ANKRD44: variants seen among roughly 807,000 people sequenced by gnomAD.
The protein encoded by ANKRD44 is ankyrin repeat domain 44.
Under a neutral mutation model 116.0 loss-of-function variants are expected in ANKRD44, and 35 were observed. That is an observed-to-expected ratio of 0.30 (90% CI 0.23 to 0.40). ANKRD44 has a LOEUF of 0.40. Ranked by LOEUF, ANKRD44 falls within the 10% of genes least tolerant of loss-of-function variation. The probability of loss-of-function intolerance (pLI) is 1.00; values close to 1 mark genes in which losing one functional copy is unlikely to be tolerated. For synonymous variants in ANKRD44, 435 were observed against 461.8 expected (o/e 0.94, Z 0.74); for missense variants, 1,014 against 1,242.6 (o/e 0.82, Z 2.77).
chr2:197,000,535 TCA>T (rs1273784790), intron 22 of ANKRD44, 33 bp from the exon 23 acceptor site: 11 of 1,547,922 alleles, frequency 7.1e-6, no homozygotes, highest in Non-Finnish European at 9.8e-6. Flanking sequence ...TGTAACAATC[TCA>T]CTCTTTTAAA....
At chr2:197,231,199 G>T (rs763379642) in intron 1 of ANKRD44, among the ~76,000 whole-genome samples, 3 of 152,140 alleles carry the variant, frequency 2.0e-5, no homozygotes, top group Non-Finnish European at 2.9e-5. Flanking sequence ...GAAGCAGGAG[G>T]ATCGCTTAAG....
chr2:197,199,675 A>G (rs1369159447), intron 1 of ANKRD44, among the ~76,000 whole-genome samples: 1 of 152,102 alleles, frequency 6.6e-6, no homozygotes, highest in East Asian at 1.9e-4. Flanking sequence ...CTTGGGTTCA[A>G]GCGATCCTCC....
intron 23 of ANKRD44, 136 bp from the exon 24 acceptor site, chr2:196,999,188 C>T: frequency 9.6e-7 from 1 of 1,045,620 alleles, no homozygotes; most frequent in Non-Finnish European, 1.4e-6. Flanking sequence ...ATCAGGTCCC[C>T]TCCCTCTAAA....
intron 1 of ANKRD44, among the ~76,000 whole-genome samples, chr2:197,206,512 A>T (rs2081209876): frequency 6.6e-6 from 1 of 152,116 alleles, no homozygotes; most frequent in Non-Finnish European, 1.5e-5. Context: ...GGCAAAACCC[A>T]TCTCTACTAA....
intron 1 of ANKRD44, among the ~76,000 whole-genome samples, chr2:197,256,063 G>A (rs1470162234): frequency 6.6e-6 from 1 of 152,188 alleles, no homozygotes; most frequent in Non-Finnish European, 1.5e-5. Context: ...TGTATATGTG[G>A]TTTGTGAGAA....
chr2:197,104,635 T>A (rs1336020274), intron 9 of ANKRD44, among the ~76,000 whole-genome samples: 1 of 152,178 alleles, frequency 6.6e-6, no homozygotes, highest in African/African-American at 2.4e-5. Context: ...AATAAGATCG[T>A]CCATAAGGTC....
In ANKRD44 at chr2:196,986,876, C is replaced by T. The variant is rs1465250004; in HGVS notation, c.*2715G>A. On this transcript the variant is annotated 3_prime_UTR_variant, in exon 28 of 28. Transcript: ENST00000282272. Reference sequence around the variant, plus strand: ...TTACAGTCATGACATTTACCAGAGTCATTCAACTCCAATTTACATAAGAAA... The same window carrying T: ...TTACAGTCATGACATTTACCAGAGTTATTCAACTCCAATTTACATAAGAAA... 5 of 985,254 alleles carry T rather than the reference C, an allele frequency of 5.1e-6. No homozygotes were observed. The highest frequency in any genetic ancestry group is 4.8e-6 in the Non-Finnish European group (4 of 829,894). 61.0% of individuals were successfully genotyped at this position (985,254 alleles called of 1,614,324 possible).
intron 2 of ANKRD44, among the ~76,000 whole-genome samples, chr2:197,148,133 A>G (rs2079552465): frequency 1.3e-5 from 2 of 152,198 alleles, no homozygotes; most frequent in South Asian, 4.1e-4. Context: ...TAAAGATCAT[A>G]TAAGTAAATA....
intron 2 of ANKRD44, among the ~76,000 whole-genome samples, chr2:197,150,276 C>T (rs1356787803): frequency 6.6e-6 from 1 of 152,116 alleles, no homozygotes; most frequent in Admixed American, 6.5e-5. Flanking sequence ...GGGCTGGGCA[C>T]GGTGGCTCAC....
At chr2:197,079,168 T>A (rs1166148754) in intron 15 of ANKRD44, among the ~76,000 whole-genome samples, 3 of 151,958 alleles carry the variant, frequency 2.0e-5, no homozygotes, top group Admixed American at 2.0e-4. Flanking sequence ...TTCAACAAAG[T>A]CTCAATAAAG....
intron 2 of ANKRD44, among the ~76,000 whole-genome samples, chr2:197,165,161 C>T (rs1392593647): frequency 6.6e-6 from 1 of 152,238 alleles, no homozygotes; most frequent in African/African-American, 2.4e-5. Context: ...TTCCTCAACA[C>T]GCCCCTTCTG....
chr2:197,079,304 G>T (rs2077742277), intron 15 of ANKRD44, among the ~76,000 whole-genome samples: 1 of 152,006 alleles, frequency 6.6e-6, no homozygotes, highest in Admixed American at 6.6e-5. Context: ...AATAAGAATA[G>T]CCTAAACAAT....
Position 197,008,069 on chromosome 2 carries a change from T to C in ANKRD44, c.2013-146A>G, listed in dbSNP as rs1314289097. 4.8e-6 allele frequency: 3 copies of C among 624,842 alleles called. No individual in the cohort carries two copies. The African/African-American group carries it at 5.5e-5, about 11-fold the overall frequency. The allele number at this position is 624,842 out of a possible 1,614,324, so 38.7% of individuals were successfully genotyped here. A position where few individuals can be genotyped will look rare whatever the true frequency, so the allele number is the denominator to read the frequency against. On this transcript the variant is annotated intron_variant, in intron 19 of 27. Coordinates refer to ENST00000282272, the MANE Select transcript of ANKRD44 (RefSeq NM_001195144.2). ...TATTTTCTAAGTGTCCCCAGTTTGC[T>C]ATACAATATGCAGAACAAGCTATCT...
At chr2:197,159,531 G>T (rs2079905497) in intron 2 of ANKRD44, among the ~76,000 whole-genome samples, 1 of 152,192 alleles carries the variant, frequency 6.6e-6, no homozygotes, top group African/African-American at 2.4e-5. Context: ...CTTTTCTTAA[G>T]TAATCACAAA....
intron 21 of ANKRD44, among the ~76,000 whole-genome samples, chr2:197,005,077 A>G (rs2076179213): frequency 6.6e-6 from 1 of 152,166 alleles, no homozygotes; most frequent in Non-Finnish European, 1.5e-5. Flanking sequence ...TTATATTTTC[A>G]AAGGAAAAAT....
chr2:197,039,680 C>CGTGTGTGTGT (rs10535447), intron 16 of ANKRD44, among the ~76,000 whole-genome samples: 1 of 141,448 alleles, frequency 7.1e-6, no homozygotes, highest in Non-Finnish European at 1.5e-5. Context: ...TGTGTGTGTG[C>CGTGTGTGTGT]GTGTGTGTGT....
chr2:197,047,395 C>T (rs1325819496), intron 16 of ANKRD44, among the ~76,000 whole-genome samples: 1 of 152,134 alleles, frequency 6.6e-6, no homozygotes, highest in African/African-American at 2.4e-5. Flanking sequence ...ACCATGGCTT[C>T]TAATTATTCT....
chr2:197,030,607 C>G (rs902737439), intron 16 of ANKRD44, among the ~76,000 whole-genome samples: 1 of 152,148 alleles, frequency 6.6e-6, no homozygotes, highest in Non-Finnish European at 1.5e-5. Flanking sequence ...GATCATGGGG[C>G]AGAGGCAGCC....
downstream of ANKRD44, among the ~76,000 whole-genome samples, chr2:196,983,867 A>G (rs1476534471): frequency 6.6e-6 from 1 of 152,208 alleles, no homozygotes; most frequent in African/African-American, 2.4e-5. Context: ...CCACTGGGAA[A>G]GTAGATACAA....
Sources: gnomAD v4.1 joint callset for allele counts (sites outside exome capture counted in the v4.1 genomes callset) on GRCh38, gnomAD v4.1.1 for gene constraint, MANE v1.5 for transcripts, NCBI Gene and HGNC (gene_info 2026-07-23, HGNC 2026-07-21) for gene names.